Variants in PTPRZ1 observed in about 807,000 individuals in gnomAD.
The protein encoded by PTPRZ1 is receptor-type tyrosine-protein phosphatase zeta.
Under a neutral mutation model 214.1 loss-of-function variants are expected in PTPRZ1, and 82 were observed. That is an observed-to-expected ratio of 0.38 (90% CI 0.32 to 0.46). The LOEUF is 0.46. Among genes scored for constraint, PTPRZ1 ranks in the 20% least tolerant of loss-of-function variants. The pLI is 1.00. For synonymous variants in PTPRZ1, 945 were observed against 987.9 expected (o/e 0.96, Z 0.81); for missense variants, 2,603 against 2,748.7 (o/e 0.95, Z 1.19).
intron 21 of PTPRZ1, 51 bp from the exon 22 acceptor site, chr7:122,042,553 TCAAA>T: frequency 1.3e-6 from 2 of 1,509,108 alleles, no homozygotes; most frequent in Admixed American, 2.1e-5. Flanking sequence ...GATCTATTTT[TCAAA>T]TTTATTTTAT....
At chr7:121,922,449 C>T (rs1197980248) in intron 1 of PTPRZ1, among the ~76,000 whole-genome samples, 5 of 151,978 alleles carry the variant, frequency 3.3e-5, no homozygotes, top group East Asian at 1.9e-4. Flanking sequence ...CCCAGCTACT[C>T]GGGAGGCTGA....
intron 3 of PTPRZ1, among the ~76,000 whole-genome samples, chr7:121,972,161 A>ATTTTTTTTTTTTT: frequency 6.7e-6 from 1 of 148,752 alleles, no homozygotes; most frequent in Non-Finnish European, 1.5e-5. Context: ...GAGAAGACTT[A>ATTTTTTTTTTTTT]TTTTTTTTTT....
At chr7:121,910,897 GTA>G (rs1301384961) in intron 1 of PTPRZ1, among the ~76,000 whole-genome samples, 3 of 152,142 alleles carry the variant, frequency 2.0e-5, no homozygotes, top group African/African-American at 7.2e-5. Flanking sequence ...CAAGATTCTA[GTA>G]TATGTTATTA....
chr7:121,919,683 A>C (rs1795533431), intron 1 of PTPRZ1, among the ~76,000 whole-genome samples: 1 of 152,062 alleles, frequency 6.6e-6, no homozygotes, highest in South Asian at 2.1e-4. Context: ...TTTCACAAAT[A>C]GTGTTCCCAA....
chr7:122,021,568 TACAAAA>T (rs1799017961), intron 13 of PTPRZ1, among the ~76,000 whole-genome samples: 1 of 151,990 alleles, frequency 6.6e-6, no homozygotes, highest in Non-Finnish European at 1.5e-5. Context: ...CCTCCATCTC[TACAAAA>T]ACAATAAAAA....
At chr7:121,891,833 G>A (rs1348592422) in intron 1 of PTPRZ1, among the ~76,000 whole-genome samples, 1 of 151,658 alleles carries the variant, frequency 6.6e-6, no homozygotes, top group Non-Finnish European at 1.5e-5. Flanking sequence ...AATGCCTTAA[G>A]TTTTTTTTCT....
intron 8 of PTPRZ1, among the ~76,000 whole-genome samples, chr7:121,995,024 A>G (rs547162683): frequency 1.3e-5 from 2 of 152,268 alleles, no homozygotes; most frequent in Admixed American, 6.5e-5. Flanking sequence ...TTTCTGTACC[A>G]CTGCTAGCAT....
chr7:122,056,332 T>A (rs1792347949), intron 27 of PTPRZ1, among the ~76,000 whole-genome samples: 1 of 151,888 alleles, frequency 6.6e-6, no homozygotes, highest in Non-Finnish European at 1.5e-5. Context: ...ATAAACTAGA[T>A]AATACAGGTT....
intron 29 of PTPRZ1, among the ~76,000 whole-genome samples, chr7:122,060,756 T>A (rs1042669690): frequency 2.0e-5 from 3 of 152,204 alleles, no homozygotes; most frequent in Non-Finnish European, 4.4e-5. Context: ...GAGTTACAGA[T>A]GTCCAGTGCC....
At chr7:121,926,743 G>A (rs187589212) in intron 1 of PTPRZ1, among the ~76,000 whole-genome samples, 7 of 152,208 alleles carry the variant, frequency 4.6e-5, no homozygotes, top group East Asian at 1.9e-4. Context: ...ACAAAACTTC[G>A]TAAATATTCT....
chr7:122,032,729 T>C (rs927532096), intron 15 of PTPRZ1, among the ~76,000 whole-genome samples: 1 of 152,200 alleles, frequency 6.6e-6, no homozygotes, highest in African/African-American at 2.4e-5. Flanking sequence ...AGAGGTATGA[T>C]ATGTTTTTAC....
intron 4 of PTPRZ1, among the ~76,000 whole-genome samples, chr7:121,973,699 C>T (rs1040909116): frequency 5.3e-5 from 8 of 152,066 alleles, no homozygotes; most frequent in South Asian, 2.1e-4. Flanking sequence ...TTCGGGAGGC[C>T]GAGATGGGCA....
In PTPRZ1 at chr7:122,034,240, A is replaced by G. The variant is rs1341309177; in HGVS notation, c.5188-42A>G. ...ATTATATTTTAAGGCACGTTGTTTGAAAGAATGTGTGTTAAAATGATTTAC... is the reference window on the plus strand; with the variant it reads ...ATTATATTTTAAGGCACGTTGTTTGGAAGAATGTGTGTTAAAATGATTTAC... On this transcript the variant is annotated intron_variant, in intron 16 of 29. Transcript: ENST00000393386. The G allele has an allele frequency of 4.4e-6, 7 of 1,588,722 alleles. No homozygotes were observed. The African/African-American group carries it at 8.1e-5, about 18-fold the overall frequency.
intron 1 of PTPRZ1, among the ~76,000 whole-genome samples, chr7:121,873,856 C>G (rs1220058933): frequency 1.3e-5 from 2 of 152,200 alleles, no homozygotes; most frequent in African/African-American, 4.8e-5. Context: ...CTGCCGCCAC[C>G]GTTCTTCTCT....
intron 15 of PTPRZ1, among the ~76,000 whole-genome samples, chr7:122,033,484 ATTTTC>A (rs139328546): frequency 1.2e-3 from 176 of 152,050 alleles, no homozygotes; most frequent in African/African-American, 4.1e-3. Context: ...GCAGAAATAA[ATTTTC>A]TTTACTTACT....
At chr7:121,939,090 TG>T (rs1796171748) in intron 2 of PTPRZ1, among the ~76,000 whole-genome samples, 1 of 152,196 alleles carries the variant, frequency 6.6e-6, no homozygotes, top group South Asian at 2.1e-4. Flanking sequence ...TCCAGTCTCA[TG>T]GGGAACAGAA....
intron 8 of PTPRZ1, 43 bp from the exon 9 acceptor site, chr7:121,996,339 A>C (rs1387928702): frequency 7.1e-7 from 1 of 1,413,142 alleles, no homozygotes; most frequent in Admixed American, 2.3e-5. Context: ...TCAAGTCCTC[A>C]AGGCTAAGTT....
chr7:122,026,155 AAAT>A (rs1404464815), intron 13 of PTPRZ1, among the ~76,000 whole-genome samples: 2 of 152,150 alleles, frequency 1.3e-5, no homozygotes, highest in African/African-American at 4.8e-5. Flanking sequence ...GTAGAAGAAA[AAAT>A]AAAATCTAGG....
chr7:121,961,806 A>G (rs1174037964), intron 2 of PTPRZ1, among the ~76,000 whole-genome samples: 1 of 152,258 alleles, frequency 6.6e-6, no homozygotes, highest in Non-Finnish European at 1.5e-5. Flanking sequence ...TAAGTGCTTC[A>G]GTGGAGGTAA....
Sources: allele counts gnomAD v4.1 joint callset (sites outside exome capture counted in the v4.1 genomes callset), GRCh38; gene constraint gnomAD v4.1.1; transcripts MANE v1.5; gene names NCBI Gene and HGNC (gene_info 2026-07-23, HGNC 2026-07-21).